The following UGT2A3 variants were observed in gnomAD, a reference collection of about 807,000 sequenced individuals.
The protein encoded by UGT2A3 is UDP glucuronosyltransferase family 2 member A3, also known as UDP-glucuronosyltransferase 2A3.
A neutral mutation model predicts 44.1 loss-of-function variants in UGT2A3; 55 were observed. The ratio of observed to expected loss-of-function variants is 1.25; its 90% confidence interval spans 1.00 to 1.56. The LOEUF (loss-of-function observed/expected upper bound fraction) is 1.56, where lower values mean the gene tolerates loss of function less well. UGT2A3 is among the 40% of genes most tolerant of loss of function. The pLI, the probability that UGT2A3 is intolerant of heterozygous loss-of-function variation, is 0.00. For synonymous variants in UGT2A3, 243 were observed against 215.1 expected, an observed-to-expected ratio of 1.13 and a Z score of -1.13; for missense variants, 733 against 621.6, an observed-to-expected ratio of 1.18 and a Z score of -1.91.
chr4:68,930,924 T>C (rs1214782092), intron 4 of UGT2A3, among the ~76,000 whole-genome samples, 159 bp from the exon 5 acceptor site: 6 of 152,148 alleles, frequency 3.9e-5, no homozygotes, highest in Admixed American at 1.3e-4. Flanking sequence ...AGATCATTTC[T>C]ATCTCCAGAA....
chr4:68,946,689 T>A (rs1718394680), intron 1 of UGT2A3, among the ~76,000 whole-genome samples: 1 of 151,688 alleles, frequency 6.6e-6, no homozygotes, highest in Admixed American at 6.6e-5. Flanking sequence ...GAAAGAAAAT[T>A]AAATTTGCTT....
chr4:68,941,016 C>T (rs975207455), intron 2 of UGT2A3, among the ~76,000 whole-genome samples: 15 of 151,510 alleles, frequency 9.9e-5, no homozygotes, highest in African/African-American at 3.6e-4. Context: ...GGAAGCAGAT[C>T]CCTCATGAAT....
At chr4:68,941,690 G>A (rs1413570165) in intron 2 of UGT2A3, among the ~76,000 whole-genome samples, 1 of 151,768 alleles carries the variant, frequency 6.6e-6, no homozygotes, top group African/African-American at 2.4e-5. Flanking sequence ...AAACAACAGG[G>A]TGAAGAGACA....
At chr4:68,939,813 A>C (rs1206690205) in intron 2 of UGT2A3, among the ~76,000 whole-genome samples, 2 of 152,196 alleles carry the variant, frequency 1.3e-5, no homozygotes, top group African/African-American at 4.8e-5. Flanking sequence ...CAAAGGGCTA[A>C]TATCCAGAAT....
intron 2 of UGT2A3, 43 bp from the exon 3 acceptor site, chr4:68,932,802 C>A (rs370379470): frequency 1.9e-6 from 3 of 1,554,180 alleles, no homozygotes; most frequent in Admixed American, 2.0e-5. Flanking sequence ...CATAATATAA[C>A]AAAAATTAAA....
chr4:68,933,262 A>G (rs1717807738), intron 2 of UGT2A3, among the ~76,000 whole-genome samples: 1 of 152,028 alleles, frequency 6.6e-6, no homozygotes, highest in East Asian at 1.9e-4. Flanking sequence ...AAAATCCATG[A>G]CCAGAAAGAA....
intron 2 of UGT2A3, among the ~76,000 whole-genome samples, chr4:68,940,118 A>G (rs1023705502): frequency 1.3e-5 from 2 of 152,174 alleles, no homozygotes; most frequent in Non-Finnish European, 2.9e-5. Context: ...AATTAGTTCA[A>G]CCATTGTGGA....
chr4:68,946,743 A>T (rs568947620), intron 1 of UGT2A3, among the ~76,000 whole-genome samples: 1 of 151,806 alleles, frequency 6.6e-6, no homozygotes, highest in East Asian at 2.0e-4. Flanking sequence ...GAAATGCCAT[A>T]CACACATATC....
At chr4:68,932,550 T>C (rs1329013600) in intron 3 of UGT2A3, 78 bp downstream of exon 3, 1 of 1,493,868 alleles carries the variant, frequency 6.7e-7, no homozygotes, top group African/African-American at 1.4e-5. Context: ...AAGTGGAAAA[T>C]GAGATTCAAG....
Position 68,930,101 on chromosome 4 carries a change from G to A in UGT2A3, c.1305-9C>T. 1 of 1,597,326 alleles carries A rather than the reference G, an allele frequency of 6.3e-7. No individual in the cohort carries two copies. Among genetic ancestry groups the A allele is most frequent in the Non-Finnish European group, 8.5e-7 (1 of 1,171,154 alleles). ...TAGCATTCTCTTTATAACTGGAAGG[G>A]AAAAACACACATAGAACTTAGAAAG... On this transcript the variant is annotated splice_polypyrimidine_tract_variant and intron_variant, in intron 5 of 5. Transcript: ENST00000251566.
In UGT2A3 at chr4:68,941,135, C is replaced by A. The variant is rs139978513; in HGVS notation, c.864+4171G>T. ...TCACATCCCCTCTTTATGGTTTCCT[C>A]TCTTGTCATGAGACCTTTGCATATA... On this transcript the variant is annotated intron_variant, in intron 2 of 5. Coordinates refer to ENST00000251566, the MANE Select transcript of UGT2A3 (RefSeq NM_024743.4). Among the ~76,000 whole-genome samples, 724 of 151,848 alleles carry A rather than the reference C, an allele frequency of 4.8e-3. 2 individuals are homozygous for A. Among genetic ancestry groups the A allele is most frequent in the Non-Finnish European group, 8.1e-3 (551 of 67,898 alleles).
At position 68,929,967 on chromosome 4, in the gene UGT2A3, G is replaced by A. The variant is rs770995000; in HGVS notation, c.1430C>T (p.Ala477Val). 1.2e-6 allele frequency: 2 copies of A among 1,613,682 alleles called. No homozygotes were observed. The highest frequency in any genetic ancestry group is 2.2e-5 in the East Asian group (1 of 44,860). Reference sequence around the variant, plus strand: ...CTGGAACCAGGTGAGGTCATGGGCAGCTGATCGCAGGTGCTTGGCTCCTTT... The same window carrying A: ...CTGGAACCAGGTGAGGTCATGGGCAACTGATCGCAGGTGCTTGGCTCCTTT... ...RHKGAKHLRS[A>V]AHDLTWFQHY... The change falls in exon 6 of 6, where the codon GCT (alanine) becomes GTT (valine). Residue 477 changes from alanine (A) to valine (V), a missense_variant. Physicochemically the swap from Ala to Val is moderately conservative, Grantham distance 64. Transcript: ENST00000251566.
At chr4:68,944,654 G>T (rs1175930908) in intron 2 of UGT2A3, among the ~76,000 whole-genome samples, 1 of 151,646 alleles carries the variant, frequency 6.6e-6, no homozygotes, top group East Asian at 1.9e-4. Flanking sequence ...TTAGATTTCT[G>T]TCCACAGAGG....
chr4:68,948,490 G>T (rs1156642206), intron 1 of UGT2A3, among the ~76,000 whole-genome samples: 16 of 133,592 alleles, frequency 1.2e-4, no homozygotes, highest in Admixed American at 1.1e-3. Context: ...ACCTAGGTTG[G>T]AGTGCAGTGG....
rs144558033 is a variant in UGT2A3, at chr4:68,935,349, C to G, written c.865-2590G>C. ...TATATTTGCTTCCAGAGGAAGAATC[C>G]AGCAGCAATATTTGCTGTTCTGCAG... On this transcript the variant is annotated intron_variant, in intron 2 of 5. Coordinates refer to ENST00000251566, the MANE Select transcript of UGT2A3 (RefSeq NM_024743.4). Among the ~76,000 whole-genome samples the G allele has an allele frequency of 2.2e-5, 3 of 133,932 alleles. No homozygotes were observed. In the Admixed American group the frequency reaches 2.4e-4, roughly 11 times the overall value. The allele number at this position is 133,932 out of a possible 152,430, so 87.9% of individuals were successfully genotyped here. A position where few individuals can be genotyped will look rare whatever the true frequency, so the allele number is the denominator to read the frequency against.
At chr4:68,942,992 T>C (rs555603255) in intron 2 of UGT2A3, among the ~76,000 whole-genome samples, 29 of 151,810 alleles carry the variant, frequency 1.9e-4, no homozygotes, top group Non-Finnish European at 3.7e-4. Context: ...TTTAAATGTA[T>C]TGTAATACCA....
chr4:68,951,754 ACCT>A lies in UGT2A3; in HGVS notation c.4_6del (p.Arg2del). ...AGAAATACCAAAGCTGACTTGTCAG[ACCT>A]CATGATGGCAGTTCCCTCACACACT... On this transcript the variant is annotated inframe_deletion, in exon 1 of 6. Coordinates refer to ENST00000251566, the MANE Select transcript of UGT2A3 (RefSeq NM_024743.4). The A allele has an allele frequency of 6.3e-7, 1 of 1,582,914 alleles. No individual in the cohort carries two copies.
chr4:68,932,907 G>T, intron 2 of UGT2A3, 148 bp from the exon 3 acceptor site: 1 of 785,136 alleles, frequency 1.3e-6, no homozygotes, highest in Non-Finnish European at 2.0e-6. Flanking sequence ...GAACTATCTA[G>T]TCTCTTTAAA....
rs1180922007 is a variant in UGT2A3, at chr4:68,929,943, TG to T, written c.1453del (p.Gln485SerfsTer5). On this transcript the variant is annotated frameshift_variant, in exon 6 of 6. Transcript: ENST00000251566. LOFTEE classifies it low-confidence loss of function (END_TRUNC). ...RSAAHDLTWF[Q>X]HYSIDVIGFL... ...CCCAATCACATCTATAGAGTAGTGCTGGAACCAGGTGAGGTCATGGGCAGCT... is the reference window on the plus strand; with the variant it reads ...CCCAATCACATCTATAGAGTAGTGCTGAACCAGGTGAGGTCATGGGCAGCT... The T allele has an allele frequency of 1.9e-6, 3 of 1,613,658 alleles. No individual in the cohort carries two copies. Among genetic ancestry groups the T allele is most frequent in the Non-Finnish European group, 2.5e-6 (3 of 1,179,676 alleles).
Sources: allele counts gnomAD v4.1 joint callset (sites outside exome capture counted in the v4.1 genomes callset), GRCh38; gene constraint gnomAD v4.1.1; transcripts MANE v1.5; gene names NCBI Gene and HGNC (gene_info 2026-07-23, HGNC 2026-07-21).